Variants in CDH12 observed in about 807,000 individuals in gnomAD.
The protein encoded by CDH12 is cadherin 12, also known as cadherin-12.
A neutral mutation model predicts 74.1 loss-of-function variants in CDH12; 41 were observed. The observed-to-expected ratio is 0.55, with a 90% CI of 0.43 to 0.72. The LOEUF (loss-of-function observed/expected upper bound fraction) is 0.72, where lower values mean the gene tolerates loss of function less well. Ranked by LOEUF, CDH12 falls within the 30% of genes least tolerant of loss-of-function variation. The probability of loss-of-function intolerance (pLI) is 0.00; values close to 1 mark genes in which losing one functional copy is unlikely to be tolerated. For synonymous variants in CDH12, 399 were observed against 355.0 expected, an observed-to-expected ratio of 1.12 and a Z score of -1.39; for missense variants, 945 against 977.2, an observed-to-expected ratio of 0.97 and a Z score of 0.44.
intron 5 of CDH12, among the ~76,000 whole-genome samples, chr5:22,020,889 A>T (rs1201552116): frequency 6.6e-6 from 1 of 151,800 alleles, no homozygotes; most frequent in Non-Finnish European, 1.5e-5. Flanking sequence ...ACTATTGTAA[A>T]TTCCTGATAA....
intron 1 of CDH12, among the ~76,000 whole-genome samples, chr5:22,727,882 T>G (rs1192063731): frequency 6.6e-6 from 1 of 151,804 alleles, no homozygotes; most frequent in Non-Finnish European, 1.5e-5. Context: ...ACTTTTGTTA[T>G]CTGCATTCTG....
intron 2 of CDH12, among the ~76,000 whole-genome samples, chr5:22,491,142 C>T (rs1746846046): frequency 6.6e-6 from 1 of 152,144 alleles, no homozygotes; most frequent in Non-Finnish European, 1.5e-5. Context: ...CCTCCCCTTC[C>T]TCTCTCCCTA....
chr5:22,543,633 G>A (rs1478070933), intron 1 of CDH12, among the ~76,000 whole-genome samples: 1 of 151,992 alleles, frequency 6.6e-6, no homozygotes, highest in Non-Finnish European at 1.5e-5. Context: ...AAGAAAATTA[G>A]TAAAAAAAAG....
At position 21,784,227 on chromosome 5, in the gene CDH12, A is replaced by G. The variant is rs1377604917; in HGVS notation, c.1257-733T>C. Among the ~76,000 whole-genome samples the G allele has an allele frequency of 2.0e-5, 3 of 152,174 alleles. No homozygotes were observed. In the East Asian group the frequency reaches 5.8e-4, roughly 29 times the overall value. The stretch of plus-strand genomic sequence containing the variant: ...AAATGAATAGCAAAATAGAAAATGC[A>G]TGTATTTAAATCTTTAAGTAACAGT... On this transcript the variant is annotated intron_variant, in intron 10 of 14. Coordinates refer to ENST00000382254, the MANE Select transcript of CDH12 (RefSeq NM_004061.5).
chr5:22,532,421 C>T (rs1190993941), intron 1 of CDH12, among the ~76,000 whole-genome samples: 1 of 127,026 alleles, frequency 7.9e-6, no homozygotes, highest in Non-Finnish European at 1.7e-5. Context: ...TTCACAGTAC[C>T]TAATAAGAAA....
At chr5:21,778,699 T>C (rs1358649185) in intron 11 of CDH12, among the ~76,000 whole-genome samples, 3 of 152,040 alleles carry the variant, frequency 2.0e-5, no homozygotes, top group Non-Finnish European at 4.4e-5. Context: ...TTATAACTAC[T>C]ACTAAATTGT....
intron 4 of CDH12, among the ~76,000 whole-genome samples, chr5:22,199,687 T>C (rs1205560885): frequency 6.6e-6 from 1 of 152,132 alleles, no homozygotes; most frequent in Non-Finnish European, 1.5e-5. Context: ...AGATGTAGAA[T>C]TGTGGGATAT....
intron 2 of CDH12, among the ~76,000 whole-genome samples, chr5:22,504,549 G>C (rs947833327): frequency 1.6e-4 from 25 of 151,984 alleles, no homozygotes; most frequent in Admixed American, 1.4e-3. Flanking sequence ...TCTCTGATTA[G>C]AACTGAGAAT....
chr5:22,407,997 T>C (rs755594411), intron 2 of CDH12, among the ~76,000 whole-genome samples: 30 of 152,042 alleles, frequency 2.0e-4, no homozygotes, highest in Non-Finnish European at 2.2e-4. Context: ...GGATGGTACA[T>C]AGTAAGTTTT....
intron 4 of CDH12, among the ~76,000 whole-genome samples, chr5:22,091,776 G>A (rs1392620602): frequency 6.6e-6 from 1 of 151,818 alleles, no homozygotes; most frequent in Non-Finnish European, 1.5e-5. Flanking sequence ...TAAATAATTT[G>A]GAGAACTCAC....
intron 1 of CDH12, among the ~76,000 whole-genome samples, chr5:22,705,771 G>T (rs1425921289): frequency 6.6e-6 from 1 of 151,802 alleles, no homozygotes; most frequent in Non-Finnish European, 1.5e-5. Flanking sequence ...ATGAAAAAAA[G>T]CATTACCACA....
chr5:22,303,946 C>T (rs1382359224), intron 3 of CDH12, among the ~76,000 whole-genome samples: 1 of 152,070 alleles, frequency 6.6e-6, no homozygotes, highest in Non-Finnish European at 1.5e-5. Flanking sequence ...TCATATTAAT[C>T]ATTAATACAT....
chr5:22,676,510 G>A (rs1741198018), intron 1 of CDH12, among the ~76,000 whole-genome samples: 1 of 152,160 alleles, frequency 6.6e-6, no homozygotes, highest in Non-Finnish European at 1.5e-5. Flanking sequence ...CACAGAGCGT[G>A]CTTACTCAAT....
intron 1 of CDH12, among the ~76,000 whole-genome samples, chr5:22,589,373 G>A (rs1018043907): frequency 6.6e-6 from 1 of 152,112 alleles, no homozygotes; most frequent in African/African-American, 2.4e-5. Context: ...AAACAAGGGA[G>A]CATAAAAATC....
intron 1 of CDH12, among the ~76,000 whole-genome samples, chr5:22,756,098 G>GAAAAAAAAAAAAAAAA (rs60067455): frequency 5.7e-5 from 5 of 87,322 alleles, no homozygotes; most frequent in Admixed American, 1.3e-4. Context: ...TTCAAGGACC[G>GAAAAAAAAAAAAAAAA]AAAAAAAAAA....
At chr5:22,010,215 A>G (rs373652659) in intron 5 of CDH12, among the ~76,000 whole-genome samples, 4 of 152,312 alleles carry the variant, frequency 2.6e-5, no homozygotes. Context: ...TTGATGATGC[A>G]TATATGTGAG....
Position 22,625,862 on chromosome 5 carries a change from C to A in CDH12, c.-522-120498G>T, listed in dbSNP as rs189576334. On this transcript the variant is annotated intron_variant, in intron 1 of 14. Coordinates refer to ENST00000382254, the MANE Select transcript of CDH12 (RefSeq NM_004061.5). ...ACCAGCCCACTTTCAGCATCCCCCCCACAGTAGCCTTCCCCTTTTGCCTTG... is the reference window on the plus strand; with the variant it reads ...ACCAGCCCACTTTCAGCATCCCCCCAACAGTAGCCTTCCCCTTTTGCCTTG... Among the ~76,000 whole-genome samples, 138 of 152,292 alleles carry A rather than the reference C, an allele frequency of 9.1e-4. 1 individual carries two copies. The highest frequency in any genetic ancestry group is 3.2e-3 in the African/African-American group (132 of 41,562).
At chr5:22,085,997 A>G (rs4701273) in intron 4 of CDH12, among the ~76,000 whole-genome samples, 42,154 of 152,112 alleles carry the variant, frequency 0.28, 6,273 homozygotes, top group African/African-American at 0.39. Context: ...GTACTTTTTG[A>G]AAAGCCTTGG....
intron 4 of CDH12, among the ~76,000 whole-genome samples, chr5:22,096,694 C>T (rs1236349780): frequency 6.6e-6 from 1 of 152,082 alleles, no homozygotes; most frequent in East Asian, 1.9e-4. Flanking sequence ...TTTTCTTTAT[C>T]CTACCTCTCC....
Sources: allele counts gnomAD v4.1 joint callset (sites outside exome capture counted in the v4.1 genomes callset), GRCh38; gene constraint gnomAD v4.1.1; transcripts MANE v1.5; gene names NCBI Gene and HGNC (gene_info 2026-07-23, HGNC 2026-07-21).